CARMIL1: variants seen among roughly 807,000 people sequenced by gnomAD.
The protein encoded by CARMIL1 is capping protein regulator and myosin 1 linker 1.
Under a neutral mutation model 177.1 loss-of-function variants are expected in CARMIL1, and 90 were observed. The observed-to-expected ratio is 0.51, with a 90% CI of 0.43 to 0.61. CARMIL1 has a LOEUF of 0.61. Ranked by LOEUF, CARMIL1 falls within the 20% of genes least tolerant of loss-of-function variation. The pLI, the probability that CARMIL1 is intolerant of heterozygous loss-of-function variation, is 0.00. For synonymous variants in CARMIL1, 577 were observed against 606.2 expected (o/e 0.95, Z 0.71); for missense variants, 1,380 against 1,667.0 (o/e 0.83, Z 3.00).
chr6:25,613,166 TTA>T (rs1816635904), intron 36 of CARMIL1, among the ~76,000 whole-genome samples: 1 of 152,242 alleles, frequency 6.6e-6, no homozygotes, highest in African/African-American at 2.4e-5. Context: ...TCATGCAAGT[TTA>T]TTTTTATAAT....
intron 3 of CARMIL1, among the ~76,000 whole-genome samples, chr6:25,420,592 G>A (rs1315544499): frequency 1.3e-5 from 2 of 152,014 alleles, no homozygotes; most frequent in African/African-American, 4.8e-5. Flanking sequence ...ATTTTTCTAA[G>A]ACTTCAGACA....
At chr6:25,507,987 A>G (rs964491197) in intron 17 of CARMIL1, among the ~76,000 whole-genome samples, 2 of 150,824 alleles carry the variant, frequency 1.3e-5, no homozygotes, top group African/African-American at 4.8e-5. Context: ...TAATACGAAT[A>G]AAATACAAGA....
intron 25 of CARMIL1, among the ~76,000 whole-genome samples, chr6:25,539,214 T>TA (rs1014068175): frequency 2.4e-4 from 36 of 152,100 alleles, no homozygotes; most frequent in African/African-American, 6.5e-4. Context: ...GAAGTACCAG[T>TA]AACAACCTGG....
chr6:25,391,239 G>A (rs929339244), intron 2 of CARMIL1, among the ~76,000 whole-genome samples: 16 of 152,182 alleles, frequency 1.1e-4, no homozygotes, highest in African/African-American at 3.4e-4. Context: ...AGGGTAGCTG[G>A]CTGGGTGGGG....
chr6:25,440,805 A>G (rs1797678211), intron 5 of CARMIL1, among the ~76,000 whole-genome samples: 1 of 152,114 alleles, frequency 6.6e-6, no homozygotes, highest in Non-Finnish European at 1.5e-5. Context: ...TAGACCTTGT[A>G]TGACTCATTT....
chr6:25,460,247 C>A (rs1173179900), intron 8 of CARMIL1, among the ~76,000 whole-genome samples: 1 of 152,212 alleles, frequency 6.6e-6, no homozygotes, highest in Non-Finnish European at 1.5e-5. Context: ...CTTATGTGCT[C>A]ACTTATTACT....
chr6:25,556,130 T>C (rs187521144), intron 28 of CARMIL1, among the ~76,000 whole-genome samples: 2 of 152,344 alleles, frequency 1.3e-5, no homozygotes, highest in Admixed American at 6.5e-5. Flanking sequence ...GTTTTCATTG[T>C]TTCAGAAGAA....
At chr6:25,353,589 G>T (rs1186628297) in intron 2 of CARMIL1, among the ~76,000 whole-genome samples, 1 of 152,184 alleles carries the variant, frequency 6.6e-6, no homozygotes, top group Non-Finnish European at 1.5e-5. Flanking sequence ...TGTCTTGCTT[G>T]TCTCTATGGC....
intron 8 of CARMIL1, chr6:25,452,111 A>G (rs756680275): frequency 6.5e-6 from 5 of 764,342 alleles, no homozygotes; most frequent in African/African-American, 1.7e-5. Flanking sequence ...GAAAAAGTAT[A>G]CTAGCTGGAT....
chr6:25,369,166 ATATTGGGTGGATCTG>A (rs1790139379), intron 2 of CARMIL1, among the ~76,000 whole-genome samples: 1 of 152,130 alleles, frequency 6.6e-6, no homozygotes, highest in Non-Finnish European at 1.5e-5. Flanking sequence ...CTGGATTTAA[ATATTGGGTGGATCTG>A]TCTTGGATCC....
At chr6:25,481,431 A>T (rs1471074580) in intron 11 of CARMIL1, among the ~76,000 whole-genome samples, 1 of 152,180 alleles carries the variant, frequency 6.6e-6, no homozygotes, top group Non-Finnish European at 1.5e-5. Context: ...GTAATTTCTT[A>T]TTGCTGCCTG....
In CARMIL1 at chr6:25,517,334, G is replaced by A; in HGVS notation, c.1806-13G>A. On this transcript the variant is annotated splice_polypyrimidine_tract_variant and intron_variant, in intron 21 of 36. Coordinates refer to ENST00000329474, the MANE Select transcript of CARMIL1 (RefSeq NM_017640.6). The stretch of plus-strand genomic sequence containing the variant: ...AAGTGTCTGATCATTTATGTGATTT[G>A]ATTTTCAAACAGGACTGTAATATGG... 1 of 1,605,906 alleles carries A rather than the reference G, an allele frequency of 6.2e-7. No homozygotes were observed. The highest frequency in any genetic ancestry group is 8.5e-7 in the Non-Finnish European group (1 of 1,173,206).
intron 2 of CARMIL1, among the ~76,000 whole-genome samples, chr6:25,346,903 C>T (rs181755258): frequency 3.0e-4 from 45 of 152,280 alleles, no homozygotes; most frequent in African/African-American, 9.9e-4. Flanking sequence ...AGAAGAGTTC[C>T]TGCAGCTTTT....
At chr6:25,454,613 A>C (rs1192336706) in intron 8 of CARMIL1, among the ~76,000 whole-genome samples, 2 of 152,074 alleles carry the variant, frequency 1.3e-5, no homozygotes, top group Non-Finnish European at 2.9e-5. Context: ...GCAATAACTA[A>C]ATATTAAAAA....
At chr6:25,451,854 A>G (rs1324086156) in intron 8 of CARMIL1, among the ~76,000 whole-genome samples, 1 of 152,028 alleles carries the variant, frequency 6.6e-6, no homozygotes, top group Admixed American at 6.6e-5. Context: ...CTCCAACCCA[A>G]TAAATCTTTT....
At chr6:25,392,346 G>C (rs1208391358) in intron 2 of CARMIL1, among the ~76,000 whole-genome samples, 1 of 152,052 alleles carries the variant, frequency 6.6e-6, no homozygotes, top group Admixed American at 6.6e-5. Context: ...AATTGATCTT[G>C]GAATTTTCTT....
intron 4 of CARMIL1, among the ~76,000 whole-genome samples, chr6:25,430,523 G>A (rs536928887): frequency 1.1e-3 from 169 of 151,386 alleles, no homozygotes; most frequent in African/African-American, 4.0e-3. Context: ...TTCGCTTCTC[G>A]GGACCAAGCG....
At chr6:25,430,431 G>GT (rs34148308) in intron 4 of CARMIL1, among the ~76,000 whole-genome samples, 4,899 of 142,310 alleles carry the variant, frequency 0.034, 141 homozygotes, top group African/African-American at 0.071. Flanking sequence ...CTTTGAGAAG[G>GT]TTTTTTTTTT....
intron 29 of CARMIL1, among the ~76,000 whole-genome samples, chr6:25,557,710 A>T (rs1011837549): frequency 6.6e-6 from 1 of 152,206 alleles, no homozygotes; most frequent in Admixed American, 6.5e-5. Flanking sequence ...AGATGAAGCC[A>T]TTGTTAAGAA....
Sources: allele counts gnomAD v4.1 joint callset (sites outside exome capture counted in the v4.1 genomes callset), GRCh38; gene constraint gnomAD v4.1.1; transcripts MANE v1.5; gene names NCBI Gene and HGNC (gene_info 2026-07-23, HGNC 2026-07-21).